Variants in LOX observed in about 807,000 individuals in gnomAD.
LOX encodes lysyl oxidase.
LOX carries 12 observed loss-of-function variants against 50.5 expected under a neutral mutation model. The observed-to-expected ratio is 0.24, with a 90% confidence interval of 0.15 to 0.38. The LOEUF is 0.38. Among genes scored for constraint, LOX ranks in the 10% least tolerant of loss-of-function variants. The pLI, the probability that LOX is intolerant of heterozygous loss-of-function variation, is 1.00. For synonymous variants in LOX, 254 were observed against 230.6 expected, an observed-to-expected ratio of 1.10 and a Z score of -0.92; for missense variants, 504 against 563.8, an observed-to-expected ratio of 0.89 and a Z score of 1.07.
At chr5:122,072,691 G>A (rs751486643) in intron 4 of LOX, among the ~76,000 whole-genome samples, 9 of 152,004 alleles carry the variant, frequency 5.9e-5, no homozygotes, top group Non-Finnish European at 1.2e-4. Flanking sequence ...TATATAAATC[G>A]CTCAATGCAA....
In LOX at chr5:122,070,054, G is replaced by A; in HGVS notation, c.1246C>T (p.Pro416Ser). The A allele has an allele frequency of 6.2e-7, 1 of 1,602,112 alleles. No homozygotes were observed. Among genetic ancestry groups the A allele is most frequent in the Non-Finnish European group, 8.6e-7 (1 of 1,169,396 alleles). Residue 416 changes from proline to serine, a missense_variant and splice_region_variant, in exon 6 of 7, where the codon CCG (proline) becomes TCG (serine). Transcript: ENST00000231004. ...CTTAGCTAAGCAAATAACACTTACG[G>A]TGAAATTGTGCAGCCTGAGGCATAC... ...HAYASGCTIS[P>S]Y
chr5:122,070,621 A>G (rs377460513), intron 4 of LOX, 32 bp from the exon 5 acceptor site: 78 of 1,184,040 alleles, frequency 6.6e-5, no homozygotes, highest in Non-Finnish European at 9.2e-5. Context: ...ATTTAAAATT[A>G]TGGTATGTGG....
chr5:122,068,654 G>A (rs1580558088), intron 6 of LOX, among the ~76,000 whole-genome samples: 1 of 152,234 alleles, frequency 6.6e-6, no homozygotes, highest in East Asian at 1.9e-4. Context: ...TCACTGAGTA[G>A]AGCAGGAGAC....
Position 122,077,948 on chromosome 5 carries a change from A to C in LOX, c.38T>G (p.Leu13Trp), listed in dbSNP as rs1754692774. 3 of 1,486,568 alleles carry C rather than the reference A, an allele frequency of 2.0e-6. No individual in the cohort carries two copies. The South Asian group carries it at 4.3e-5, about 21-fold the overall frequency. The allele number at this position is 1,486,568 out of a possible 1,614,324, so 92.1% of individuals were successfully genotyped here. Residue 13 changes from leucine (L) to tryptophan (W), a missense_variant, in exon 1 of 7, where the codon TTG (leucine) becomes TGG (tryptophan). By Grantham distance (61) the Leu-to-Trp change is moderately conservative (BLOSUM62 -2). Around this residue, in one of 2 missense-constraint regions of LOX, gnomAD observed 398 missense variants for 365.8 expected, o/e 1.09. Transcript: ENST00000231004. This position sits in a 1 kb window ranked among gnomAD's most constrained non-coding sequence, Gnocchi z 4.9. Reference sequence around the variant, plus strand: ...GCAGTGCACTAGCGCGCAGAGCTGCAAAGGCCCGAGCAGGAGCACGGTCCA... The same window carrying C: ...GCAGTGCACTAGCGCGCAGAGCTGCCAAGGCCCGAGCAGGAGCACGGTCCA... ...FAWTVLLLGP[L>W]QLCALVHCAP...
At position 122,077,334 on chromosome 5, in the gene LOX, A is replaced by C. The variant is rs1754667466; in HGVS notation, c.631+21T>G. The C allele has an allele frequency of 1.2e-6, 2 of 1,613,374 alleles. No homozygotes were observed. Among genetic ancestry groups the C allele is most frequent in the Non-Finnish European group, 1.7e-6 (2 of 1,179,950 alleles). ...GGGGACCAGGTGCACGGGTGCTTCC[A>C]GCGGACTTGGGGGTACTTACCGTAC... On this transcript the variant is annotated intron_variant, in intron 1 of 6. Coordinates refer to ENST00000231004, the MANE Select transcript of LOX (RefSeq NM_002317.7). This position sits in a 1 kb window ranked among gnomAD's most constrained non-coding sequence, Gnocchi z 4.9.
intron 3 of LOX, among the ~76,000 whole-genome samples, chr5:122,074,837 CA>C: frequency 6.6e-6 from 1 of 152,142 alleles, no homozygotes; most frequent in Admixed American, 6.5e-5. Context: ...TTTAAGGCCA[CA>C]CATGAGGATT....
chr5:122,072,672 A>C (rs1311137233), intron 4 of LOX, among the ~76,000 whole-genome samples: 2 of 152,220 alleles, frequency 1.3e-5, no homozygotes, highest in African/African-American at 4.8e-5. Flanking sequence ...ATCTAATGAA[A>C]AAAACAAATA....
In LOX at chr5:122,077,631, G is replaced by T. The variant is rs1336143561; in HGVS notation, c.355C>A (p.Pro119Thr). The T allele has an allele frequency of 1.9e-5, 30 of 1,610,652 alleles. No individual in the cohort carries two copies. The highest frequency in any genetic ancestry group is 2.5e-5 in the Non-Finnish European group (30 of 1,179,454). ...GCTTGGAACCAGTGACGGGCGGTGG[G>T]CCTGGGGCGGCCAGCGGTGACTCCA... ...SSGVTAGRPRPTARHWFQAGY... is the reference protein window; with the variant it reads ...SSGVTAGRPRTTARHWFQAGY... Residue 119 changes from proline to threonine, a missense_variant, in exon 1 of 7, where the codon CCC becomes ACC. Pro to Thr is a conservative substitution (Grantham distance 38, BLOSUM62 -1). This residue lies in a region of LOX where 398 missense variants were observed against 365.8 expected (regional missense o/e 1.09). Coordinates refer to ENST00000231004, the MANE Select transcript of LOX (RefSeq NM_002317.7). This position sits in a 1 kb window ranked among gnomAD's most constrained non-coding sequence, Gnocchi z 4.9.
At chr5:122,068,975 A>C (rs1027176575) in intron 6 of LOX, among the ~76,000 whole-genome samples, 2 of 152,076 alleles carry the variant, frequency 1.3e-5, no homozygotes, top group African/African-American at 4.8e-5. Context: ...AACTCCACAC[A>C]ATATGGGCCA....
chr5:122,078,104 G>T lies in LOX; in HGVS notation c.-119C>A. 1 of 951,380 alleles carries T rather than the reference G, an allele frequency of 1.1e-6. No individual in the cohort carries two copies. The highest frequency in any genetic ancestry group is 1.4e-6 in the Non-Finnish European group (1 of 696,354). 58.9% of individuals were successfully genotyped at this position (951,380 alleles called of 1,614,324 possible). A position where few individuals can be genotyped will look rare whatever the true frequency, so the allele number is the denominator to read the frequency against. ...CAACCAAGGAGGCGAGCGGAGCACGGGTATCTCAGTCTCCACCAAGCAATG... is the reference window on the plus strand; with the variant it reads ...CAACCAAGGAGGCGAGCGGAGCACGTGTATCTCAGTCTCCACCAAGCAATG... On this transcript the variant is annotated 5_prime_UTR_variant, in exon 1 of 7. Transcript: ENST00000231004.
chr5:122,076,838 G>A, intron 2 of LOX, 55 bp downstream of exon 2: 1 of 1,502,440 alleles, frequency 6.7e-7, no homozygotes. Flanking sequence ...CCAGGCACCA[G>A]AGCGCCCCCT....
At chr5:122,072,558 T>C (rs1025289986) in intron 4 of LOX, among the ~76,000 whole-genome samples, 6 of 152,202 alleles carry the variant, frequency 3.9e-5, no homozygotes, top group Admixed American at 1.3e-4. Flanking sequence ...AGTTTTATGC[T>C]TGAATACATT....
In LOX at chr5:122,074,027, T is replaced by C. The variant is rs1436353084; in HGVS notation, c.1021A>G (p.Thr341Ala). The change falls in exon 4 of 7, where the codon ACT (threonine) becomes GCT (alanine). Residue 341 changes from threonine (T) to alanine (A), a missense_variant. By Grantham distance (58) the Thr-to-Ala change is moderately conservative. Coordinates refer to ENST00000231004, the MANE Select transcript of LOX (RefSeq NM_002317.7). Reference sequence around the variant, plus strand: ...TGCCAACATACCTGTGTGTGTGCAGTACATGCAAATCGCCTGTGGTAGCCA... The same window carrying C: ...TGCCAACATACCTGTGTGTGTGCAGCACATGCAAATCGCCTGTGGTAGCCA... ...DYGYHRRFAC[T>A]AHTQGLSPGC... 6.2e-7 allele frequency: 1 copy of C among 1,613,914 alleles called. No homozygotes were observed. Among genetic ancestry groups the C allele is most frequent in the Non-Finnish European group, 8.5e-7 (1 of 1,179,972 alleles).
chr5:122,076,416 G>A (rs1386886592), intron 2 of LOX, among the ~76,000 whole-genome samples: 1 of 152,168 alleles, frequency 6.6e-6, no homozygotes, highest in Non-Finnish European at 1.5e-5. Flanking sequence ...TCTGGCTGAA[G>A]TAATACCAAA....
chr5:122,066,006 T>C lies in LOX; in HGVS notation c.*737A>G, dbSNP rs963720209. On this transcript the variant is annotated 3_prime_UTR_variant, in exon 7 of 7. Coordinates refer to ENST00000231004, the MANE Select transcript of LOX (RefSeq NM_002317.7). The stretch of plus-strand genomic sequence containing the variant: ...TCTGCCCATGGGAAAGATAAAATGA[T>C]AGAGGGCAGCCTCAAGAAATATCAG... The C allele has an allele frequency of 1.9e-4, 29 of 152,180 alleles. No individual in the cohort carries two copies. The highest frequency in any genetic ancestry group is 6.5e-4 in the African/African-American group (27 of 41,548). 9.4% of individuals were successfully genotyped at this position (152,180 alleles called of 1,614,324 possible).
rs1016336170 is a variant in LOX at position 122,065,674 on chromosome 5, T to C, written c.*1069A>G. On this transcript the variant is annotated 3_prime_UTR_variant, in exon 7 of 7. Coordinates refer to ENST00000231004, the MANE Select transcript of LOX (RefSeq NM_002317.7). ...GATGATGTTCCTGTGTTCTAGATAA[T>C]ATAAAATTTTTAACATTCCTCTAAT... 1.5e-4 allele frequency: 23 copies of C among 152,082 alleles called. No individual in the cohort carries two copies. The highest frequency in any genetic ancestry group is 5.6e-4 in the African/African-American group (23 of 41,430). The allele number at this position is 152,082 out of a possible 1,614,324, so 9.4% of individuals were successfully genotyped here. A position where few individuals can be genotyped will look rare whatever the true frequency, so the allele number is the denominator to read the frequency against.
At position 122,077,106 on chromosome 5, in the gene LOX, G is replaced by A; in HGVS notation, c.632-105C>T. On this transcript the variant is annotated intron_variant, in intron 1 of 6. Coordinates refer to ENST00000231004, the MANE Select transcript of LOX (RefSeq NM_002317.7). This position sits in a 1 kb window ranked among gnomAD's most constrained non-coding sequence, Gnocchi z 4.9. ...TTACTCCTCACCCTTCGCCCACCGG[G>A]ACTGCAGAGTGGAGCGGAGGACAGC... 1 of 1,519,224 alleles carries A rather than the reference G, an allele frequency of 6.6e-7. No homozygotes were observed. The highest frequency in any genetic ancestry group is 8.8e-7 in the Non-Finnish European group (1 of 1,138,078). 94.1% of individuals were successfully genotyped at this position (1,519,224 alleles called of 1,614,324 possible). A position where few individuals can be genotyped will look rare whatever the true frequency, so the allele number is the denominator to read the frequency against.
Position 122,077,290 on chromosome 5 carries a change from G to C in LOX, c.631+65C>G. 2 of 1,601,988 alleles carry C rather than the reference G, an allele frequency of 1.2e-6. No individual in the cohort carries two copies. Among genetic ancestry groups the C allele is most frequent in the Non-Finnish European group, 8.5e-7 (1 of 1,174,238 alleles). ...GGGCCCGCCGCGCCCAGGCAGCCACGTCGAGAAGCCACATAGCTGGGGACC... is the reference window on the plus strand; with the variant it reads ...GGGCCCGCCGCGCCCAGGCAGCCACCTCGAGAAGCCACATAGCTGGGGACC... On this transcript the variant is annotated intron_variant, in intron 1 of 6. Coordinates refer to ENST00000231004, the MANE Select transcript of LOX (RefSeq NM_002317.7). This position sits in a 1 kb window ranked among gnomAD's most constrained non-coding sequence, Gnocchi z 4.9.
intron 6 of LOX, among the ~76,000 whole-genome samples, chr5:122,067,305 GA>G (rs535456510): frequency 4.8e-4 from 70 of 146,378 alleles, no homozygotes; most frequent in South Asian, 8.6e-4. Context: ...TCTGTGAGGA[GA>G]AAAAAAAAAA....
Sources: gnomAD v4.1 joint callset for allele counts (sites outside exome capture counted in the v4.1 genomes callset) on GRCh38, gnomAD v4.1.1 for gene constraint, gnomAD v4.1.1 regional missense constraint, Gnocchi (gnomAD v3.1) non-coding constraint, MANE v1.5 for transcripts, NCBI Gene and HGNC (gene_info 2026-07-23, HGNC 2026-07-21) for gene names.